The following PPP4R4 variants were observed in gnomAD, a reference collection of about 807,000 sequenced individuals.
The protein encoded by PPP4R4 is protein phosphatase 4 regulatory subunit 4.
Under a neutral mutation model 121.8 loss-of-function variants are expected in PPP4R4, and 70 were observed. The ratio of observed to expected loss-of-function variants is 0.57; its 90% CI spans 0.47 to 0.70. The LOEUF is 0.70. Ranked by LOEUF, PPP4R4 falls within the 30% of genes least tolerant of loss-of-function variation. The pLI, the probability that PPP4R4 is intolerant of heterozygous loss-of-function variation, is 0.00. For missense variants in PPP4R4, 875 were observed against 1,033.6 expected, an observed-to-expected ratio of 0.85 and a Z score of 2.10; for synonymous variants, 348 against 355.7, an observed-to-expected ratio of 0.98 and a Z score of 0.24.
chr14:94,226,488 T>C (rs1402810334), intron 3 of PPP4R4, among the ~76,000 whole-genome samples: 2 of 152,154 alleles, frequency 1.3e-5, no homozygotes, highest in Non-Finnish European at 2.9e-5. Context: ...AGTGGTGGAA[T>C]GTGGCAATCA....
At chr14:94,223,738 GT>G (rs1566669531) in intron 3 of PPP4R4, among the ~76,000 whole-genome samples, 1 of 152,190 alleles carries the variant, frequency 6.6e-6, no homozygotes, top group Non-Finnish European at 1.5e-5. Context: ...GTTGATTAGA[GT>G]TACCTAGTCT....
At chr14:94,262,386 A>G (rs1404625939) in intron 19 of PPP4R4, among the ~76,000 whole-genome samples, 5 of 151,958 alleles carry the variant, frequency 3.3e-5, no homozygotes, top group Non-Finnish European at 7.4e-5. Context: ...ATCTATGATG[A>G]TAACCATTTT....
chr14:94,277,751 A>T (rs1894721290), intron 24 of PPP4R4, among the ~76,000 whole-genome samples: 1 of 151,898 alleles, frequency 6.6e-6, no homozygotes, highest in Admixed American at 6.6e-5. Flanking sequence ...CATAGACTGA[A>T]TTTTTTCTTG....
chr14:94,235,183 T>C (rs1325615555), intron 7 of PPP4R4, among the ~76,000 whole-genome samples: 1 of 152,146 alleles, frequency 6.6e-6, no homozygotes, highest in Non-Finnish European at 1.5e-5. Context: ...TATGCTGTAT[T>C]GTTCAGGAAA....
chr14:94,252,377 T>A (rs945994740), intron 16 of PPP4R4, among the ~76,000 whole-genome samples: 4 of 152,198 alleles, frequency 2.6e-5, no homozygotes, highest in African/African-American at 9.6e-5. Context: ...AGTAAAATGT[T>A]AATTGCATTT....
chr14:94,210,389 G>A (rs193246113), intron 3 of PPP4R4, among the ~76,000 whole-genome samples: 1 of 151,682 alleles, frequency 6.6e-6, no homozygotes, highest in African/African-American at 2.4e-5. Flanking sequence ...TTTTGAAACT[G>A]TAAGGTATGC....
At chr14:94,239,196 CT>C (rs370068876) in intron 8 of PPP4R4, among the ~76,000 whole-genome samples, 5,336 of 145,134 alleles carry the variant, frequency 0.037, 219 homozygotes, top group African/African-American at 0.099. Context: ...CCTTCTGCTT[CT>C]TTTTTTTTTT....
In PPP4R4 at chr14:94,179,155, T is replaced by C. The variant is rs370707538; in HGVS notation, c.191+3028T>C. Among the ~76,000 whole-genome samples, 9 of 152,338 alleles carry C rather than the reference T, an allele frequency of 5.9e-5. 1 individual carries two copies. The East Asian group carries it at 1.3e-3, about 23-fold the overall frequency. On this transcript the variant is annotated intron_variant, in intron 2 of 24. Coordinates refer to ENST00000304338, the MANE Select transcript of PPP4R4 (RefSeq NM_058237.2). ...GTATATTCACAGAATTGTGCAACCA[T>C]CACTGCAATCAATTTTAGAACATTT...
At chr14:94,214,065 G>A (rs1456490210) in intron 3 of PPP4R4, among the ~76,000 whole-genome samples, 1 of 152,024 alleles carries the variant, frequency 6.6e-6, no homozygotes, top group Non-Finnish European at 1.5e-5. Context: ...TATACCCCCG[G>A]AACCTAGAAT....
chr14:94,212,870 C>T (rs1261481898), intron 3 of PPP4R4, among the ~76,000 whole-genome samples: 1 of 152,116 alleles, frequency 6.6e-6, no homozygotes, highest in African/African-American at 2.4e-5. Flanking sequence ...GATTCCATTA[C>T]AATCCAATGC....
At chr14:94,186,840 A>G (rs958554107) in intron 2 of PPP4R4, among the ~76,000 whole-genome samples, 4 of 152,184 alleles carry the variant, frequency 2.6e-5, no homozygotes, top group African/African-American at 4.8e-5. Flanking sequence ...TCTATTGATT[A>G]CAGAGAGTAT....
At chr14:94,233,275 A>T (rs1021751091) in intron 5 of PPP4R4, among the ~76,000 whole-genome samples, 29 of 152,346 alleles carry the variant, frequency 1.9e-4, no homozygotes, top group South Asian at 6.2e-4. Flanking sequence ...TTTTCATCCC[A>T]TTAGGATACA....
At chr14:94,236,594 T>A (rs1329188212) in intron 7 of PPP4R4, among the ~76,000 whole-genome samples, 4 of 152,180 alleles carry the variant, frequency 2.6e-5, no homozygotes, top group African/African-American at 9.6e-5. Context: ...CATTGTGGTA[T>A]GCTGCCTAAT....
chr14:94,235,388 C>CTTTTTTTTTTTTTTTTTTTTTTTTTTTTT (rs34881107), intron 7 of PPP4R4, among the ~76,000 whole-genome samples: 1 of 50,806 alleles, frequency 2.0e-5, no homozygotes, highest in Non-Finnish European at 3.4e-5. Flanking sequence ...TCTCCTTGTT[C>CTTTTTTTTTTTTTTTTTTTTTTTTTTTTT]TTTTTTTTTT....
intron 5 of PPP4R4, among the ~76,000 whole-genome samples, chr14:94,232,348 A>G (rs1340322697): frequency 6.6e-6 from 1 of 152,188 alleles, no homozygotes; most frequent in Non-Finnish European, 1.5e-5. Context: ...TTGTCTTCAT[A>G]CAGTTTATGG....
intron 2 of PPP4R4, among the ~76,000 whole-genome samples, chr14:94,178,767 T>C (rs1407827962): frequency 6.6e-6 from 1 of 152,348 alleles, no homozygotes; most frequent in South Asian, 2.1e-4. Context: ...ACTTTCCTAA[T>C]AGTCACAGCT....
intron 3 of PPP4R4, among the ~76,000 whole-genome samples, chr14:94,209,431 T>C (rs1413628474): frequency 1.3e-5 from 2 of 152,108 alleles, no homozygotes; most frequent in Non-Finnish European, 2.9e-5. Flanking sequence ...TTTTTAGGCA[T>C]GTGTAGCATG....
intron 2 of PPP4R4, among the ~76,000 whole-genome samples, chr14:94,206,784 G>A (rs911357003): frequency 6.6e-5 from 10 of 151,880 alleles, no homozygotes; most frequent in Non-Finnish European, 8.8e-5. Context: ...CAGTTCTTTA[G>A]CAGTGTAGTA....
In PPP4R4 at chr14:94,218,385, GCACA is replaced by G. The variant is rs142423588; in HGVS notation, c.294+9833_294+9836del. ...TCACCCCTAGACACCGCACGCGCGT[GCACA>G]CACACACACACACCTCCTCACCCCT... On this transcript the variant is annotated intron_variant, in intron 3 of 24. Coordinates refer to ENST00000304338, the MANE Select transcript of PPP4R4 (RefSeq NM_058237.2). Among the ~76,000 whole-genome samples the G allele has an allele frequency of 7.7e-3, 714 of 92,760 alleles. 11 individuals are homozygous for G. Among genetic ancestry groups the G allele is most frequent in the African/African-American group, 0.027 (651 of 24,086 alleles). 60.9% of individuals were successfully genotyped at this position (92,760 alleles called of 152,430 possible).
Sources: allele counts gnomAD v4.1 joint callset (sites outside exome capture counted in the v4.1 genomes callset), GRCh38; gene constraint gnomAD v4.1.1; transcripts MANE v1.5; gene names NCBI Gene and HGNC (gene_info 2026-07-23, HGNC 2026-07-21).